The following GNAQ variants were observed in gnomAD, a reference collection of about 807,000 sequenced individuals.
GNAQ encodes G protein subunit alpha q.
In GNAQ, 8 loss-of-function variants were observed where a neutral mutation model predicts 43.9. That is an observed-to-expected ratio of 0.18 (90% CI 0.11 to 0.33). GNAQ has a LOEUF of 0.33. Ranked by LOEUF, GNAQ falls within the 10% of genes least tolerant of loss-of-function variation. The probability of loss-of-function intolerance (pLI) is 1.00; values close to 1 mark genes in which losing one functional copy is unlikely to be tolerated. For missense variants in GNAQ, 158 were observed against 450.8 expected (o/e 0.35, Z 5.88); for synonymous variants, 155 against 170.7 (o/e 0.91, Z 0.71).
At chr9:78,004,593 T>C (rs1186551174) in intron 1 of GNAQ, among the ~76,000 whole-genome samples, 1 of 152,162 alleles carries the variant, frequency 6.6e-6, no homozygotes, top group Non-Finnish European at 1.5e-5. Context: ...GGTTTAATAA[T>C]GCACCTTTAT....
intron 5 of GNAQ, among the ~76,000 whole-genome samples, chr9:77,755,057 G>C (rs1288068947): frequency 6.6e-6 from 1 of 152,134 alleles, no homozygotes; most frequent in African/African-American, 2.4e-5. Context: ...CCTTAAAAAA[G>C]AATGAGATCC....
At chr9:77,765,669 A>G (rs552841635) in intron 5 of GNAQ, among the ~76,000 whole-genome samples, 4 of 152,362 alleles carry the variant, frequency 2.6e-5, no homozygotes, top group African/African-American at 9.6e-5. Context: ...GGAACATAAA[A>G]AGATACAGCT....
At position 77,720,476 on chromosome 9, in the gene GNAQ, T is replaced by C. The variant is rs1257865359; in HGVS notation, c.*847A>G. ...AGCCATTAGGGTAATGTAGTGTCTG[T>C]TGGCATCTTTTTTGGCATCTGCAAT... On this transcript the variant is annotated 3_prime_UTR_variant, in exon 7 of 7. Coordinates refer to ENST00000286548, the MANE Select transcript of GNAQ (RefSeq NM_002072.5). 5 of 233,422 alleles carry C rather than the reference T, an allele frequency of 2.1e-5. No individual in the cohort carries two copies. Among genetic ancestry groups the C allele is most frequent in the Non-Finnish European group, 2.5e-5 (3 of 117,962 alleles). The allele number at this position is 233,422 out of a possible 1,614,324, so 14.5% of individuals were successfully genotyped here.
At chr9:77,860,499 T>C (rs1827830808) in intron 2 of GNAQ, among the ~76,000 whole-genome samples, 1 of 152,196 alleles carries the variant, frequency 6.6e-6, no homozygotes, top group Admixed American at 6.5e-5. Flanking sequence ...GGGATGAAAC[T>C]GTTACACCTC....
intron 4 of GNAQ, among the ~76,000 whole-genome samples, chr9:77,795,302 C>T (rs1466788679): frequency 6.6e-6 from 1 of 152,134 alleles, no homozygotes; most frequent in Non-Finnish European, 1.5e-5. Context: ...CAATTCTGTG[C>T]TGAATTACTG....
chr9:78,001,460 T>C (rs1823643218), intron 1 of GNAQ, among the ~76,000 whole-genome samples: 2 of 152,030 alleles, frequency 1.3e-5, no homozygotes, highest in Non-Finnish European at 2.9e-5. Flanking sequence ...CACCAAGATA[T>C]ATCCCCAAAT....
chr9:77,947,845 C>T (rs1002917040), intron 1 of GNAQ, among the ~76,000 whole-genome samples: 1 of 152,180 alleles, frequency 6.6e-6, no homozygotes, highest in South Asian at 2.1e-4. Context: ...GGTCTCAGAG[C>T]ACAGGTGTCA....
At chr9:77,984,134 T>C (rs1229015176) in intron 1 of GNAQ, among the ~76,000 whole-genome samples, 1 of 149,978 alleles carries the variant, frequency 6.7e-6, no homozygotes, top group Non-Finnish European at 1.5e-5. Flanking sequence ...AGTTTTTGAA[T>C]TTTAGTTGAA....
At chr9:77,910,078 T>A (rs1469719333) in intron 2 of GNAQ, among the ~76,000 whole-genome samples, 1 of 152,130 alleles carries the variant, frequency 6.6e-6, no homozygotes, top group Non-Finnish European at 1.5e-5. Flanking sequence ...AGAATAAGAC[T>A]ACAATTCCTG....
At position 77,742,827 on chromosome 9, in the gene GNAQ, C is replaced by T. The variant is rs1825674635; in HGVS notation, c.736-14160G>A. Reference sequence around the variant, plus strand: ...AAGAAAGCAGACAACGTTGAAAGACCTGAGGGAAAACCTGGAGAGATGAAT... The same window carrying T: ...AAGAAAGCAGACAACGTTGAAAGACTTGAGGGAAAACCTGGAGAGATGAAT... On this transcript the variant is annotated intron_variant, in intron 5 of 6. Coordinates refer to ENST00000286548, the MANE Select transcript of GNAQ (RefSeq NM_002072.5). 9.2e-5 allele frequency among the ~76,000 whole-genome samples: 14 copies of T among 152,196 alleles called. No individual in the cohort carries two copies. In the South Asian group the frequency reaches 2.9e-3, roughly 32 times the overall value.
intron 1 of GNAQ, among the ~76,000 whole-genome samples, chr9:78,025,340 G>C (rs1451149496): frequency 2.6e-5 from 4 of 152,098 alleles, no homozygotes; most frequent in Non-Finnish European, 1.5e-5. Flanking sequence ...TAGTGTTTGG[G>C]TCTGAGAGCA....
intron 5 of GNAQ, among the ~76,000 whole-genome samples, chr9:77,760,287 G>C (rs1027253626): frequency 4.6e-5 from 7 of 151,216 alleles, no homozygotes; most frequent in African/African-American, 1.7e-4. Context: ...CTGCCATCTC[G>C]GCTCACTGCA....
At chr9:77,780,941 G>A in intron 5 of GNAQ, among the ~76,000 whole-genome samples, 1 of 123,824 alleles carries the variant, frequency 8.1e-6, no homozygotes, top group South Asian at 2.8e-4. Flanking sequence ...ATTTGCTCAT[G>A]TATTAATTGG....
In GNAQ at chr9:78,004,270, C is replaced by T. The variant is rs10118343; in HGVS notation, c.136+26830G>A. ...GCAGCCTGGACGACAGAGTAAGACT[C>T]TGTCTCAAAAAAAAAAAAAAAAAAT... On this transcript the variant is annotated intron_variant, in intron 1 of 6. Coordinates refer to ENST00000286548, the MANE Select transcript of GNAQ (RefSeq NM_002072.5). Among the ~76,000 whole-genome samples, 844 of 144,472 alleles carry T rather than the reference C, an allele frequency of 5.8e-3. 9 individuals are homozygous for T. Among genetic ancestry groups the T allele is most frequent in the African/African-American group, 0.021 (812 of 38,322 alleles). The allele number at this position is 144,472 out of a possible 152,430, so 94.8% of individuals were successfully genotyped here.
chr9:77,892,578 C>T (rs562850810), intron 2 of GNAQ, among the ~76,000 whole-genome samples: 5 of 152,232 alleles, frequency 3.3e-5, no homozygotes, highest in East Asian at 1.9e-4. Context: ...GTGAAATCCT[C>T]GGTGCTGCGA....
At chr9:77,922,941 C>T (rs915782102) in intron 1 of GNAQ, among the ~76,000 whole-genome samples, 1 of 152,124 alleles carries the variant, frequency 6.6e-6, no homozygotes, top group Non-Finnish European at 1.5e-5. Flanking sequence ...GAAATCCCAT[C>T]TGAGTCTCTT....
intron 5 of GNAQ, among the ~76,000 whole-genome samples, chr9:77,761,050 G>GC (rs1826000839): frequency 1.3e-5 from 2 of 152,076 alleles, no homozygotes; most frequent in East Asian, 2.0e-4. Context: ...CCTCCGCCCG[G>GC]CAGCCACCCC....
At chr9:77,943,660 CT>C (rs34195207) in intron 1 of GNAQ, among the ~76,000 whole-genome samples, 14,692 of 116,096 alleles carry the variant, frequency 0.13, 798 homozygotes, top group African/African-American at 0.26. Flanking sequence ...AAGTAACTAA[CT>C]TTTTTTTTTT....
At chr9:77,821,495 A>C (rs1328281827) in intron 2 of GNAQ, among the ~76,000 whole-genome samples, 1 of 151,902 alleles carries the variant, frequency 6.6e-6, no homozygotes, top group African/African-American at 2.4e-5. Context: ...GTTTGTCTGT[A>C]ATGTCATAAT....
Sources: gnomAD v4.1 joint callset for allele counts (sites outside exome capture counted in the v4.1 genomes callset) on GRCh38, gnomAD v4.1.1 for gene constraint, MANE v1.5 for transcripts, NCBI Gene and HGNC (gene_info 2026-07-23, HGNC 2026-07-21) for gene names.